PCK1: variants seen among roughly 807,000 people sequenced by gnomAD.
The protein encoded by PCK1 is phosphoenolpyruvate carboxykinase 1, also known as phosphoenolpyruvate carboxykinase, cytosolic [GTP].
In PCK1, 44 loss-of-function variants were observed where a neutral mutation model predicts 50.3. That is an observed-to-expected ratio of 0.87 (90% CI 0.69 to 1.12). The LOEUF is 1.12. PCK1 is among the 50% of genes most tolerant of loss of function. PCK1 has a pLI of 0.00. For synonymous variants in PCK1, 332 were observed against 314.3 expected, an observed-to-expected ratio of 1.06 and a Z score of -0.59; for missense variants, 790 against 815.0, an observed-to-expected ratio of 0.97 and a Z score of 0.37.
In PCK1 at chr20:57,565,841, T is replaced by C; in HGVS notation, c.*37T>C. ...GTGCTTTACCTTTAAAATCATTCCC[T>C]TTCCCATCCATAAGGTGCAGTAGGA... is the stretch of plus-strand genomic sequence containing the variant. On this transcript the variant is annotated 3_prime_UTR_variant, in exon 10 of 10. Transcript: ENST00000319441. 1 of 1,491,170 alleles carries C rather than the reference T, an allele frequency of 6.7e-7. No homozygotes were observed. The highest frequency in any genetic ancestry group is 1.3e-5 in the South Asian group (1 of 77,288). The allele number at this position is 1,491,170 out of a possible 1,614,324, so 92.4% of individuals were successfully genotyped here. A position where few individuals can be genotyped will look rare whatever the true frequency, so the allele number is the denominator to read the frequency against.
In PCK1 at chr20:57,561,750, A is replaced by G. The variant is rs1730472873; in HGVS notation, c.224+115A>G. On this transcript the variant is annotated intron_variant, in intron 2 of 9. Transcript: ENST00000319441. ...GCCTTCGGGTAGTTTCAGACTCTTG[A>G]GAAGATGAATGCAATGGTCAGAACC... is the stretch of plus-strand genomic sequence containing the variant. 5.5e-6 allele frequency: 4 copies of G among 723,394 alleles called. No homozygotes were observed. In the Admixed American group the frequency reaches 6.8e-5, roughly 12 times the overall value. The allele number at this position is 723,394 out of a possible 1,614,324, so 44.8% of individuals were successfully genotyped here. A position where few individuals can be genotyped will look rare whatever the true frequency, so the allele number is the denominator to read the frequency against.
At chr20:57,563,434 CTGGGAGTGTT>C in intron 5 of PCK1, 121 bp from the exon 6 acceptor site, 1 of 720,760 alleles carries the variant, frequency 1.4e-6, no homozygotes, top group Non-Finnish European at 2.3e-6. Flanking sequence ...CTTCATGATT[CTGGGAGTGTT>C]TGTTTGCACT....
In PCK1 at chr20:57,565,510, C is replaced by T; in HGVS notation, c.1575C>T (p.Phe525=). The change falls in exon 10 of 10, where the codon TTC becomes TTT. Residue 525 remains phenylalanine (F), a synonymous_variant. Transcript: ENST00000319441. ...TCCGGAAGGACAAGGAAGGCAAATT[C>T]CTCTGGCCAGGCTTTGGAGAGAACT... The part of the protein sequence containing the change: ...NWFRKDKEGK[F]LWPGFGENSR... The T allele has an allele frequency of 1.2e-6, 2 of 1,614,216 alleles. No homozygotes were observed. The highest frequency in any genetic ancestry group is 8.5e-7 in the Non-Finnish European group (1 of 1,180,044).
intron 6 of PCK1, 183 bp downstream of exon 6, chr20:57,563,910 G>A (rs1363511396): frequency 4.8e-6 from 3 of 626,428 alleles, no homozygotes; most frequent in Admixed American, 3.1e-5. Flanking sequence ...AATCTGGATT[G>A]AAACTGGGCC....
At chr20:57,564,640 G>T in intron 8 of PCK1, 27 bp downstream of exon 8, 2 of 1,554,338 alleles carry the variant, frequency 1.3e-6, no homozygotes, top group Non-Finnish European at 1.7e-6. Flanking sequence ...TTTAGGCTGG[G>T]AACATGGGTG....
chr20:57,565,152 A>T lies in PCK1; in HGVS notation c.1414+17A>T, dbSNP rs1177613376. 2 of 1,589,428 alleles carry T rather than the reference A, an allele frequency of 1.3e-6. No individual in the cohort carries two copies. The highest frequency in any genetic ancestry group is 1.7e-6 in the Non-Finnish European group (2 of 1,157,772). On this transcript the variant is annotated intron_variant, in intron 9 of 9. Transcript: ENST00000319441. ...AACATAAAGGTAAATCAAAGTCCTG[A>T]TCTGAAACCACAGAGAAGTGGGATT...
chr20:57,562,122 G>C lies in PCK1; in HGVS notation c.276G>C (p.Thr92=), dbSNP rs771945652. 4 of 1,614,030 alleles carry C rather than the reference G, an allele frequency of 2.5e-6. No individual in the cohort carries two copies. Among genetic ancestry groups the C allele is most frequent in the African/African-American group, 2.7e-5 (2 of 74,914 alleles). ...PRDVARIESK[T]VIVTQEQRDT... ...ATGTGGCCAGGATCGAAAGCAAGAC[G>C]GTTATCGTCACCCAAGAGCAAAGAG... is the stretch of plus-strand genomic sequence containing the variant. Residue 92 remains threonine (T), a synonymous_variant, in exon 3 of 10, where the codon ACG becomes ACC. Coordinates refer to ENST00000319441, the MANE Select transcript of PCK1 (RefSeq NM_002591.4).
Position 57,566,053 on chromosome 20 carries a change from G to T in PCK1, c.*249G>T, listed in dbSNP as rs886056796. 2.0e-5 allele frequency: 9 copies of T among 452,528 alleles called. No individual in the cohort carries two copies. Among genetic ancestry groups the T allele is most frequent in the Admixed American group, 4.0e-5 (1 of 25,280 alleles). 28.0% of individuals were successfully genotyped at this position (452,528 alleles called of 1,614,324 possible). ...AAAATTCACATCCAATGCATAGTTT[G>T]TTCAAATTTAAGGTTACTCAGGCAT... On this transcript the variant is annotated 3_prime_UTR_variant, in exon 10 of 10. Transcript: ENST00000319441.
At chr20:57,564,853 T>C (rs1337827654) in intron 8 of PCK1, 187 bp from the exon 9 acceptor site, 2 of 635,920 alleles carry the variant, frequency 3.1e-6, no homozygotes, top group Non-Finnish European at 5.5e-6. Flanking sequence ...ACTTTTTACT[T>C]TGTGGCCTCA....
chr20:57,561,858 T>G (rs1272447237), intron 2 of PCK1: 2 of 609,176 alleles, frequency 3.3e-6, no homozygotes, highest in African/African-American at 3.7e-5. Flanking sequence ...CCAACTAGAT[T>G]CCTGATTAAA....
chr20:57,562,459 A>C, intron 3 of PCK1: 1 of 626,468 alleles, frequency 1.6e-6, no homozygotes, highest in South Asian at 2.0e-5. Flanking sequence ...AACTAGTTCC[A>C]TGCATATGGG....
intron 9 of PCK1, 57 bp from the exon 10 acceptor site, chr20:57,565,293 C>A: frequency 1.4e-6 from 2 of 1,420,924 alleles, no homozygotes; most frequent in Non-Finnish European, 2.0e-6. Flanking sequence ...CAATCAATGG[C>A]GTCAGTCTTG....
Position 57,565,638 on chromosome 20 carries a change from G to T in PCK1, c.1703G>T (p.Gly568Val), listed in dbSNP as rs1329356295. Residue 568 changes from glycine to valine, a missense_variant, in exon 10 of 10, where the codon GGC (glycine) becomes GTC (valine). Transcript: ENST00000319441. ...IPKEDALNLK[G>V]LGHINMMELF... is the part of the protein sequence containing the mutation. ...AAGGAGGATGCCCTGAACCTGAAAG[G>T]CCTGGGGCACATCAACATGATGGAG... 4 of 1,614,156 alleles carry T rather than the reference G, an allele frequency of 2.5e-6. No individual in the cohort carries two copies. The South Asian group carries it at 3.3e-5, about 13-fold the overall frequency.
rs761860955 is a variant in PCK1, at chr20:57,561,445, T to C, written c.34T>C (p.Ser12Pro). The C allele has an allele frequency of 3.7e-6, 6 of 1,613,630 alleles. No individual in the cohort carries two copies. In the Admixed American group the frequency reaches 8.3e-5, roughly 22 times the overall value. ...PPQLQNGLNL[S>P]AKVVQGSLDS... ...TCAGCTGCAAAACGGCCTGAACCTCTCGGCCAAAGTTGTCCAGGGAAGCCT... is the reference window on the plus strand; with the variant it reads ...TCAGCTGCAAAACGGCCTGAACCTCCCGGCCAAAGTTGTCCAGGGAAGCCT... Residue 12 changes from serine (S) to proline (P), a missense_variant, in exon 2 of 10, where the codon TCG becomes CCG. By Grantham distance (74) the Ser-to-Pro change is moderately conservative. Transcript: ENST00000319441.
At chr20:57,561,898 G>A (rs2236744) in intron 2 of PCK1, 173 bp from the exon 3 acceptor site, 1 of 627,460 alleles carries the variant, frequency 1.6e-6, no homozygotes, top group South Asian at 2.0e-5. Context: ...TACAGACCAG[G>A]TCCTAGTGGA....
In PCK1 at chr20:57,566,978, C is replaced by A. The variant is rs2070210649; in HGVS notation, c.*1174C>A. ...CGCCTTCTGTATCCCGGACATCATG[C>A]CAACACCATGGGCTGCCCGAGAAGA... On this transcript the variant is annotated 3_prime_UTR_variant, in exon 10 of 10. Coordinates refer to ENST00000319441, the MANE Select transcript of PCK1 (RefSeq NM_002591.4). 6.6e-6 allele frequency: 1 copy of A among 152,204 alleles called. No individual in the cohort carries two copies. The highest frequency in any genetic ancestry group is 2.1e-4 in the South Asian group (1 of 4,832). 9.4% of individuals were successfully genotyped at this position (152,204 alleles called of 1,614,324 possible).
At chr20:57,563,813 A>G (rs1347420012) in intron 6 of PCK1, 86 bp downstream of exon 6, 1 of 1,152,062 alleles carries the variant, frequency 8.7e-7, no homozygotes, top group East Asian at 2.4e-5. Context: ...TCCTCAGTCC[A>G]GTGTTTGGAT....
At chr20:57,562,667 C>G (rs747841254) in intron 3 of PCK1, 29 bp from the exon 4 acceptor site, 1 of 1,592,286 alleles carries the variant, frequency 6.3e-7, no homozygotes, top group Non-Finnish European at 8.6e-7. Flanking sequence ...GGTCATTTCT[C>G]ACCAGTGCCC....
chr20:57,564,244 A>G lies in PCK1; in HGVS notation c.1037A>G (p.Asn346Ser). 2 of 1,614,118 alleles carry G rather than the reference A, an allele frequency of 1.2e-6. No homozygotes were observed. The highest frequency in any genetic ancestry group is 8.5e-7 in the Non-Finnish European group (1 of 1,179,998). Residue 346 changes from asparagine to serine, a missense_variant, in exon 7 of 10, where the codon AAT becomes AGT. Asn to Ser is a conservative substitution (Grantham distance 46, BLOSUM62 1). Coordinates refer to ENST00000319441, the MANE Select transcript of PCK1 (RefSeq NM_002591.4). Reference sequence around the variant, plus strand: ...GGGACTTCAGTGAAGACCAACCCCAATGCCATCAAGACCATCCAGAAGAAC... The same window carrying G: ...GGGACTTCAGTGAAGACCAACCCCAGTGCCATCAAGACCATCCAGAAGAAC... ...APGTSVKTNP[N>S]AIKTIQKNTI...
Sources: gnomAD v4.1 joint callset for allele counts on GRCh38, gnomAD v4.1.1 for gene constraint, MANE v1.5 for transcripts, NCBI Gene and HGNC (gene_info 2026-07-23, HGNC 2026-07-21) for gene names.